The following KIF6 variants were observed in gnomAD, a reference collection of about 807,000 sequenced individuals.
KIF6 encodes kinesin family member 6, also known as kinesin-like protein KIF6.
A neutral mutation model predicts 112.7 loss-of-function variants in KIF6; 106 were observed. The ratio of observed to expected loss-of-function variants is 0.94; its 90% confidence interval spans 0.80 to 1.11. The LOEUF is 1.11. Among genes scored for constraint, KIF6 ranks in the 50% least tolerant of loss-of-function variants. The pLI, the probability that KIF6 is intolerant of heterozygous loss-of-function variation, is 0.00. For missense variants in KIF6, 929 were observed against 964.0 expected, an observed-to-expected ratio of 0.96 and a Z score of 0.48; for synonymous variants, 339 against 339.9, an observed-to-expected ratio of 1.00 and a Z score of 0.03.
intron 15 of KIF6, among the ~76,000 whole-genome samples, chr6:39,392,689 A>G (rs1293612436): frequency 2.6e-5 from 4 of 152,226 alleles, no homozygotes; most frequent in African/African-American, 9.6e-5. Flanking sequence ...GAATTAGTGA[A>G]TTGGAAGACA....
chr6:39,338,580 TG>T (rs1479667488), intron 22 of KIF6, among the ~76,000 whole-genome samples: 1 of 152,216 alleles, frequency 6.6e-6, no homozygotes, highest in Non-Finnish European at 1.5e-5. Context: ...TCTGGACTTG[TG>T]GTTCCCAGCT....
intron 13 of KIF6, among the ~76,000 whole-genome samples, chr6:39,526,583 G>A (rs1398283927): frequency 1.3e-5 from 2 of 152,144 alleles, no homozygotes; most frequent in Non-Finnish European, 2.9e-5. Flanking sequence ...TCACTCTCAT[G>A]TGTGCATTAT....
chr6:39,556,060 G>A (rs1779694340), intron 10 of KIF6, among the ~76,000 whole-genome samples: 1 of 151,262 alleles, frequency 6.6e-6, no homozygotes, highest in Non-Finnish European at 1.5e-5. Flanking sequence ...ATTTGTACAT[G>A]CCCAAGTGAG....
At chr6:39,691,725 G>A (rs1401070949) in intron 3 of KIF6, 1 of 152,148 alleles carries the variant, frequency 6.6e-6, no homozygotes, top group Non-Finnish European at 1.5e-5. Context: ...GAAAATATTA[G>A]CATCAAATGG....
intron 19 of KIF6, among the ~76,000 whole-genome samples, chr6:39,355,292 A>C (rs1019387018): frequency 6.6e-6 from 1 of 152,012 alleles, no homozygotes; most frequent in Non-Finnish European, 1.5e-5. Flanking sequence ...ATATACATTA[A>C]ACATTTTTTT....
intron 6 of KIF6, among the ~76,000 whole-genome samples, chr6:39,611,853 G>A (rs1783233125): frequency 6.6e-6 from 1 of 152,102 alleles, no homozygotes; most frequent in African/African-American, 2.4e-5. Context: ...TGACAAATAA[G>A]AGCATCACAA....
intron 3 of KIF6, among the ~76,000 whole-genome samples, chr6:39,709,389 G>C (rs2395729): frequency 0.38 from 57,259 of 151,946 alleles, 11,011 homozygotes; most frequent in East Asian, 0.58. Flanking sequence ...TAGATTGCTC[G>C]CATGCACAGT....
chr6:39,365,768 G>T (rs1765511073), intron 16 of KIF6, among the ~76,000 whole-genome samples: 1 of 152,174 alleles, frequency 6.6e-6, no homozygotes, highest in Non-Finnish European at 1.5e-5. Flanking sequence ...GCCCCACTCT[G>T]CGGTGACTGG....
chr6:39,600,955 G>C (rs1271029007), intron 6 of KIF6, among the ~76,000 whole-genome samples: 1 of 152,078 alleles, frequency 6.6e-6, no homozygotes, highest in Non-Finnish European at 1.5e-5. Context: ...TCATTGCAGG[G>C]AGTTATATTA....
chr6:39,665,041 A>G (rs1397581199), intron 3 of KIF6, among the ~76,000 whole-genome samples: 2 of 152,206 alleles, frequency 1.3e-5, no homozygotes, highest in Non-Finnish European at 2.9e-5. Flanking sequence ...TTATGAGCAT[A>G]TGAGCTGTAT....
At chr6:39,346,114 TCCCTCTCCCTCCCTCTCC>T (rs1763752707) in intron 20 of KIF6, among the ~76,000 whole-genome samples, 4 of 36,926 alleles carry the variant, frequency 1.1e-4, no homozygotes, top group Admixed American at 3.7e-4. Flanking sequence ...CCCCTCCCTC[TCCCTCTCCCTCCCTCTCC>T]CTCTCTCTCT....
chr6:39,341,862 T>C (rs1763340583), intron 22 of KIF6, among the ~76,000 whole-genome samples: 1 of 152,232 alleles, frequency 6.6e-6, no homozygotes. Flanking sequence ...CATCCCTTGC[T>C]GGCACTTTCA....
intron 16 of KIF6, among the ~76,000 whole-genome samples, chr6:39,380,357 C>T (rs1766820207): frequency 6.6e-6 from 1 of 152,206 alleles, no homozygotes; most frequent in African/African-American, 2.4e-5. Flanking sequence ...GCTTCTTCAG[C>T]CTCCTTTTTG....
chr6:39,389,136 T>C (rs1767660636), intron 15 of KIF6, among the ~76,000 whole-genome samples: 1 of 152,198 alleles, frequency 6.6e-6, no homozygotes, highest in Non-Finnish European at 1.5e-5. Flanking sequence ...GTGTGGTATA[T>C]GGGTTTTCTC....
intron 14 of KIF6, among the ~76,000 whole-genome samples, chr6:39,428,392 C>A (rs1305297570): frequency 6.6e-6 from 1 of 152,198 alleles, no homozygotes; most frequent in African/African-American, 2.4e-5. Context: ...ACACGTCCAA[C>A]TAGCCATATT....
At chr6:39,478,297 T>A (rs1310436089) in intron 13 of KIF6, among the ~76,000 whole-genome samples, 1 of 152,250 alleles carries the variant, frequency 6.6e-6, no homozygotes, top group Non-Finnish European at 1.5e-5. Context: ...ATATGATGTT[T>A]GGTCTTCCAT....
intron 7 of KIF6, among the ~76,000 whole-genome samples, chr6:39,594,899 C>T (rs549098222): frequency 2.9e-4 from 44 of 152,116 alleles, no homozygotes; most frequent in Non-Finnish European, 5.3e-4. Context: ...ATTCATCTCA[C>T]AGCCCTTATA....
At chr6:39,477,802 A>C (rs1323095130) in intron 13 of KIF6, among the ~76,000 whole-genome samples, 1 of 152,200 alleles carries the variant, frequency 6.6e-6, no homozygotes, top group Non-Finnish European at 1.5e-5. Flanking sequence ...CGGAGGTTGC[A>C]GTGAGCCGAG....
chr6:39,483,477 AT>A (rs1244526599), intron 13 of KIF6, among the ~76,000 whole-genome samples: 2 of 152,182 alleles, frequency 1.3e-5, no homozygotes, highest in African/African-American at 4.8e-5. Flanking sequence ...GACACATCAT[AT>A]TATGAGTCCT....
Sources: gnomAD v4.1 joint callset for allele counts (sites outside exome capture counted in the v4.1 genomes callset) on GRCh38, gnomAD v4.1.1 for gene constraint, MANE v1.5 for transcripts, NCBI Gene and HGNC (gene_info 2026-07-23, HGNC 2026-07-21) for gene names.